The following SPAG17 variants were observed in gnomAD, a reference collection of about 807,000 sequenced individuals.
SPAG17 encodes the protein sperm associated antigen 17.
A neutral mutation model predicts 273.6 loss-of-function variants in SPAG17; 169 were observed. The observed-to-expected ratio is 0.62, with a 90% confidence interval of 0.55 to 0.70. The LOEUF is 0.70. Ranked by LOEUF, SPAG17 falls within the 30% of genes least tolerant of loss-of-function variation. The pLI is 0.00. For missense variants in SPAG17, 2,557 were observed against 2,627.8 expected (o/e 0.97, Z 0.59); for synonymous variants, 825 against 873.2 (o/e 0.94, Z 0.97).
rs368795610 is a variant in SPAG17 at position 118,097,722 on chromosome 1, T to C, written c.959A>G (p.Tyr320Cys). The C allele has an allele frequency of 5.5e-5, 88 of 1,610,746 alleles. No homozygotes were observed. Among genetic ancestry groups the C allele is most frequent in the Non-Finnish European group, 5.4e-5 (64 of 1,178,886 alleles). ...AGGAAAATCAGCTGCTTTGACCATG[T>C]ACTCAAGTCGAGCAACATCAAAGAG... ...TNLFDVARLE[Y>C]MVKAADFPSD... The change falls in exon 7 of 49, where the codon TAC becomes TGC. Residue 320 changes from tyrosine to cysteine, a missense_variant. Transcript: ENST00000336338.
intron 42 of SPAG17, among the ~76,000 whole-genome samples, chr1:117,983,151 T>C (rs2101600575): frequency 6.6e-6 from 1 of 152,304 alleles, no homozygotes; most frequent in South Asian, 2.1e-4. Context: ...ATGTCTTACA[T>C]AAATGGCAGC....
At chr1:117,990,406 C>A (rs1453333976) in intron 38 of SPAG17, among the ~76,000 whole-genome samples, 2 of 152,126 alleles carry the variant, frequency 1.3e-5, no homozygotes, top group African/African-American at 4.8e-5. Flanking sequence ...ATATATACCT[C>A]CAAATGAATA....
At chr1:118,023,535 G>T in intron 27 of SPAG17, 72 bp from the exon 28 acceptor site, 1 of 1,439,252 alleles carries the variant, frequency 6.9e-7, no homozygotes, top group Non-Finnish European at 9.4e-7. Context: ...AACGCTGTGT[G>T]TCAAATGGAA....
chr1:118,176,426 G>A (rs543237047), intron 1 of SPAG17, among the ~76,000 whole-genome samples: 2 of 152,098 alleles, frequency 1.3e-5, no homozygotes, highest in Admixed American at 6.6e-5. Context: ...CTTATATCAG[G>A]TAAAATACAT....
intron 3 of SPAG17, among the ~76,000 whole-genome samples, chr1:118,139,790 G>C (rs1658568003): frequency 6.6e-6 from 1 of 151,974 alleles, no homozygotes; most frequent in African/African-American, 2.4e-5. Context: ...ACAGAGACTG[G>C]GGGGTGGGGG....
rs1648527554 is a variant in SPAG17, at chr1:118,031,966, A to T, written c.3434-99T>A. ...ACTCAAAAATTTACACAAGTTGACA[A>T]CAATTTTTACCTTGCTAAATATGAT... On this transcript the variant is annotated intron_variant, in intron 24 of 48. Coordinates refer to ENST00000336338, the MANE Select transcript of SPAG17 (RefSeq NM_206996.4). 8.7e-6 allele frequency: 8 copies of T among 917,012 alleles called. No homozygotes were observed. The South Asian group carries it at 1.6e-4, about 18-fold the overall frequency. 56.8% of individuals were successfully genotyped at this position (917,012 alleles called of 1,614,324 possible).
At chr1:118,185,018 C>T in intron 1 of SPAG17, 53 bp downstream of exon 1, 2 of 1,507,854 alleles carry the variant, frequency 1.3e-6, no homozygotes, top group Non-Finnish European at 1.8e-6. Context: ...AGGGTCTGGC[C>T]GGGCCTCTGG....
chr1:118,182,443 T>G (rs975286933), intron 1 of SPAG17, among the ~76,000 whole-genome samples: 3 of 152,216 alleles, frequency 2.0e-5, no homozygotes, highest in African/African-American at 7.2e-5. Flanking sequence ...TTTCTAATGC[T>G]GCTAGAGATC....
chr1:118,020,438 A>G (rs75693261), intron 28 of SPAG17, among the ~76,000 whole-genome samples: 6 of 146,302 alleles, frequency 4.1e-5, no homozygotes, highest in South Asian at 2.1e-4. Flanking sequence ...GTGTCTCAAG[A>G]AAAAAAAAAA....
At chr1:118,140,590 T>C (rs1169655302) in intron 3 of SPAG17, among the ~76,000 whole-genome samples, 1 of 152,178 alleles carries the variant, frequency 6.6e-6, no homozygotes, top group Non-Finnish European at 1.5e-5. Flanking sequence ...GATAGCTTCT[T>C]CTTCACCCCT....
intron 4 of SPAG17, among the ~76,000 whole-genome samples, chr1:118,106,647 G>A (rs1366644738): frequency 6.6e-6 from 1 of 152,138 alleles, no homozygotes; most frequent in Non-Finnish European, 1.5e-5. Flanking sequence ...TTTTACAACT[G>A]CAATTTTAAA....
intron 17 of SPAG17, among the ~76,000 whole-genome samples, chr1:118,070,536 A>G (rs1475216893): frequency 1.3e-5 from 2 of 152,184 alleles, no homozygotes; most frequent in Non-Finnish European, 2.9e-5. Flanking sequence ...ACACTGACAG[A>G]GAAGTACATT....
Position 118,150,575 on chromosome 1 carries a change from G to GT in SPAG17, c.282dup (p.Pro95ThrfsTer5), listed in dbSNP as rs771461785. 6 of 1,577,574 alleles carry GT rather than the reference G, an allele frequency of 3.8e-6. No individual in the cohort carries two copies. Among genetic ancestry groups the GT allele is most frequent in the South Asian group, 2.3e-5 (2 of 88,096 alleles). ...TATAAAGGAGCATTACCACCTACAG[G>GT]TTTTTTTGCCTTTTTAGATGAAGCA... On this transcript the variant is annotated frameshift_variant, in exon 3 of 49. Transcript: ENST00000336338. LOFTEE classifies it high-confidence loss of function.
intron 20 of SPAG17, among the ~76,000 whole-genome samples, chr1:118,046,665 A>C (rs1650391680): frequency 2.0e-5 from 3 of 152,304 alleles, no homozygotes; most frequent in South Asian, 4.1e-4. Context: ...AAAATCAAGG[A>C]CATCCATGTA....
intron 12 of SPAG17, 121 bp downstream of exon 12, chr1:118,086,550 A>G (rs1465560005): frequency 3.5e-6 from 3 of 849,060 alleles, no homozygotes; most frequent in Non-Finnish European, 5.6e-6. Flanking sequence ...GCAAGTATCT[A>G]TTTTGTACAT....
chr1:118,085,518 G>A (rs940882475), intron 13 of SPAG17, among the ~76,000 whole-genome samples: 5 of 152,264 alleles, frequency 3.3e-5, no homozygotes, highest in African/African-American at 9.6e-5. Flanking sequence ...GCATGCGTGC[G>A]TGCATACGCG....
intron 10 of SPAG17, among the ~76,000 whole-genome samples, chr1:118,088,989 C>T (rs985889697): frequency 6.6e-6 from 1 of 152,076 alleles, no homozygotes; most frequent in Non-Finnish European, 1.5e-5. Context: ...GTGTGCTGAG[C>T]ATACAGCAAC....
chr1:118,162,237 C>A (rs1232039870), intron 1 of SPAG17, among the ~76,000 whole-genome samples: 2 of 152,002 alleles, frequency 1.3e-5, no homozygotes, highest in East Asian at 3.9e-4. Flanking sequence ...TATTGATTCC[C>A]TAATAGAGTC....
At chr1:118,099,554 G>A (rs759619118) in intron 6 of SPAG17, 52 bp downstream of exon 6, 7 of 1,447,284 alleles carry the variant, frequency 4.8e-6, no homozygotes, top group Non-Finnish European at 6.8e-6. Flanking sequence ...TGTACTTTAA[G>A]GACAGTGGGT....
Sources: gnomAD v4.1 joint callset for allele counts (sites outside exome capture counted in the v4.1 genomes callset) on GRCh38, gnomAD v4.1.1 for gene constraint, MANE v1.5 for transcripts, NCBI Gene and HGNC (gene_info 2026-07-23, HGNC 2026-07-21) for gene names.